RNF220: variants seen among roughly 807,000 people sequenced by gnomAD.
RNF220 encodes ring finger protein 220, also known as E3 ubiquitin-protein ligase RNF220.
Under a neutral mutation model 67.1 loss-of-function variants are expected in RNF220, and 7 were observed. That is an observed-to-expected ratio of 0.10 (90% CI 0.06 to 0.20). The LOEUF (loss-of-function observed/expected upper bound fraction) is 0.20, where lower values mean the gene tolerates loss of function less well. Ranked by LOEUF, RNF220 falls within the 10% of genes least tolerant of loss-of-function variation. The pLI is 1.00. For missense variants in RNF220, 565 were observed against 740.3 expected (o/e 0.76, Z 2.75); for synonymous variants, 270 against 283.2 (o/e 0.95, Z 0.47).
intron 4 of RNF220, among the ~76,000 whole-genome samples, chr1:44,623,793 G>C (rs756453667): frequency 6.6e-6 from 1 of 152,194 alleles, no homozygotes; most frequent in Non-Finnish European, 1.5e-5. Flanking sequence ...AGTGAGTTAA[G>C]AGGGGCACAG....
chr1:44,635,996 T>C, intron 7 of RNF220, 34 bp from the exon 8 acceptor site: 1 of 1,614,016 alleles, frequency 6.2e-7, no homozygotes, highest in Non-Finnish European at 8.5e-7. Flanking sequence ...GGGGATGGCC[T>C]GGGCCCAGCA....
intron 2 of RNF220, among the ~76,000 whole-genome samples, chr1:44,568,253 T>G (rs1171516942): frequency 6.6e-6 from 1 of 152,142 alleles, no homozygotes; most frequent in Admixed American, 6.5e-5. Context: ...CAGTTCTGCC[T>G]CCCTCAGCCT....
At chr1:44,525,714 C>A (rs553623417) in intron 2 of RNF220, among the ~76,000 whole-genome samples, 1 of 152,158 alleles carries the variant, frequency 6.6e-6, no homozygotes, top group Non-Finnish European at 1.5e-5. Flanking sequence ...CCCTATTCTG[C>A]GTTCCTCCTG....
At position 44,614,277 on chromosome 1, in the gene RNF220, G is replaced by C. The variant is rs1263812150; in HGVS notation, c.738G>C (p.Gln246His). 2 of 1,614,024 alleles carry C rather than the reference G, an allele frequency of 1.2e-6. No homozygotes were observed. Among genetic ancestry groups the C allele is most frequent in the Non-Finnish European group, 1.7e-6 (2 of 1,179,926 alleles). ...AGCATATGGAGCAGGAACTGGAGCAGCTAGCCCAACTGCCCTCGAGGTAAG... is the reference window on the plus strand; with the variant it reads ...AGCATATGGAGCAGGAACTGGAGCACCTAGCCCAACTGCCCTCGAGGTAAG... The part of the protein sequence containing the change: ...LQEHMEQELE[Q>H]LAQLPSSKNS... The change falls in exon 3 of 15, where the codon CAG becomes CAC. Residue 246 changes from glutamine to histidine, a missense_variant. By Grantham distance (24) the Gln-to-His change is conservative. Transcript: ENST00000361799.
At position 44,565,458 on chromosome 1, in the gene RNF220, C is replaced by T. The variant is rs1274789513; in HGVS notation, c.626-48707C>T. Among the ~76,000 whole-genome samples, 1 of 152,166 alleles carries T rather than the reference C, an allele frequency of 6.6e-6. No homozygotes were observed. Among genetic ancestry groups the T allele is most frequent in the East Asian group, 1.9e-4 (1 of 5,196 alleles). ...CAGAGCCAGAGAGAGCCGCAGGAGC[C>T]GCTTAATCTGCCCCTAGGAAGTGCA... On this transcript the variant is annotated intron_variant, in intron 2 of 14. Coordinates refer to ENST00000361799, the MANE Select transcript of RNF220 (RefSeq NM_018150.4). The surrounding 1 kb of genome is among the most constrained non-coding windows in gnomAD (Gnocchi z 4.2).
chr1:44,429,163 A>G (rs1289442391), intron 2 of RNF220, among the ~76,000 whole-genome samples: 1 of 137,450 alleles, frequency 7.3e-6, no homozygotes, highest in African/African-American at 2.5e-5. Context: ...CCACTCCAAC[A>G]CTAGCTTAAA....
At chr1:44,560,233 G>C (rs1332483437) in intron 2 of RNF220, among the ~76,000 whole-genome samples, 1 of 152,054 alleles carries the variant, frequency 6.6e-6, no homozygotes. Context: ...AGCTCTAGAT[G>C]GTGGCTGATG....
intron 2 of RNF220, among the ~76,000 whole-genome samples, chr1:44,473,896 T>C (rs1355270014): frequency 3.3e-5 from 5 of 152,146 alleles, no homozygotes; most frequent in African/African-American, 1.2e-4. Flanking sequence ...GCCATTCCCA[T>C]GCGTTATCTT....
intron 8 of RNF220, 121 bp downstream of exon 8, chr1:44,636,283 G>A (rs1295022745): frequency 5.3e-6 from 7 of 1,321,482 alleles, no homozygotes; most frequent in Non-Finnish European, 7.6e-6. Flanking sequence ...CACCACGTGG[G>A]GACTGCTGCT....
chr1:44,495,706 T>G (rs1572678762), intron 2 of RNF220, among the ~76,000 whole-genome samples: 1 of 152,198 alleles, frequency 6.6e-6, no homozygotes, highest in African/African-American at 2.4e-5. Context: ...AGTGCTGGGA[T>G]TACAGACATT....
At chr1:44,607,450 G>C (rs1667347837) in intron 2 of RNF220, among the ~76,000 whole-genome samples, 1 of 151,400 alleles carries the variant, frequency 6.6e-6, no homozygotes, top group Non-Finnish European at 1.5e-5. Flanking sequence ...TCCTCACTTA[G>C]GCTCTTTCTC....
intron 3 of RNF220, among the ~76,000 whole-genome samples, chr1:44,616,380 C>G (rs557818895): frequency 6.6e-6 from 1 of 152,132 alleles, no homozygotes; most frequent in African/African-American, 2.4e-5. Context: ...CACTATGTGC[C>G]GAGTACTTTA....
At chr1:44,472,473 G>A (rs1233252883) in intron 2 of RNF220, among the ~76,000 whole-genome samples, 5 of 152,126 alleles carry the variant, frequency 3.3e-5, no homozygotes, top group African/African-American at 9.7e-5. Flanking sequence ...GTTTTGATTT[G>A]CATTTCCCTA....
At chr1:44,549,220 A>G (rs1368820653) in intron 2 of RNF220, among the ~76,000 whole-genome samples, 1 of 152,166 alleles carries the variant, frequency 6.6e-6, no homozygotes, top group Admixed American at 6.5e-5. Flanking sequence ...AAAAACAGCT[A>G]TGATGTAGCA....
intron 2 of RNF220, among the ~76,000 whole-genome samples, chr1:44,465,021 T>C (rs959452378): frequency 6.6e-6 from 1 of 152,024 alleles, no homozygotes; most frequent in African/African-American, 2.4e-5. Context: ...TTATTTACCT[T>C]TGAATCTCCA....
intron 2 of RNF220, among the ~76,000 whole-genome samples, chr1:44,512,931 C>T (rs1659140103): frequency 6.6e-6 from 1 of 152,090 alleles, no homozygotes; most frequent in South Asian, 2.1e-4. Context: ...AGGAACATCC[C>T]GGCTGAGCCA....
At chr1:44,552,257 G>A (rs890211207) in intron 2 of RNF220, among the ~76,000 whole-genome samples, 3 of 152,128 alleles carry the variant, frequency 2.0e-5, no homozygotes, top group African/African-American at 7.2e-5. Context: ...GGCGGCTCGT[G>A]CCTGTAAGTC....
intron 2 of RNF220, among the ~76,000 whole-genome samples, chr1:44,447,449 A>G (rs1265040544): frequency 6.6e-6 from 1 of 152,226 alleles, no homozygotes; most frequent in Non-Finnish European, 1.5e-5. Flanking sequence ...ATTTTAAGTC[A>G]CTAGCATCTA....
chr1:44,535,586 T>C (rs1661158164), intron 2 of RNF220, among the ~76,000 whole-genome samples: 1 of 152,232 alleles, frequency 6.6e-6, no homozygotes, highest in South Asian at 2.1e-4. Context: ...ACATCCACTA[T>C]GGATCTCTAA....
Sources: gnomAD v4.1 joint callset for allele counts (sites outside exome capture counted in the v4.1 genomes callset) on GRCh38, gnomAD v4.1.1 for gene constraint, Gnocchi (gnomAD v3.1) non-coding constraint, MANE v1.5 for transcripts, NCBI Gene and HGNC (gene_info 2026-07-23, HGNC 2026-07-21) for gene names.